GRM1: variants seen among roughly 807,000 people sequenced by gnomAD.
The protein encoded by GRM1 is glutamate metabotropic receptor 1.
GRM1 carries 33 observed loss-of-function variants against 90.9 expected under a neutral mutation model. That is an observed-to-expected ratio of 0.36 (90% CI 0.28 to 0.49). The LOEUF is 0.49. GRM1 is among the 20% of genes least tolerant of loss of function. The pLI is 0.99. For missense variants in GRM1, 1,190 were observed against 1,534.3 expected, an observed-to-expected ratio of 0.78 and a Z score of 3.75; for synonymous variants, 700 against 613.2, an observed-to-expected ratio of 1.14 and a Z score of -2.09.
chr6:146,358,067 C>A (rs1785656882), intron 5 of GRM1, among the ~76,000 whole-genome samples: 1 of 152,190 alleles, frequency 6.6e-6, no homozygotes. Flanking sequence ...AGAAGCTGAA[C>A]AATGCTAAAT....
At chr6:146,154,314 T>C (rs914639431) in intron 1 of GRM1, among the ~76,000 whole-genome samples, 4 of 152,212 alleles carry the variant, frequency 2.6e-5, no homozygotes, top group Non-Finnish European at 5.9e-5. Context: ...TGCAGATTCC[T>C]GAACCTGCAT....
At chr6:146,181,466 G>A (rs545045913) in intron 2 of GRM1, among the ~76,000 whole-genome samples, 1 of 152,226 alleles carries the variant, frequency 6.6e-6, no homozygotes, top group South Asian at 2.1e-4. Context: ...ATTTCAAAAA[G>A]AAGATCAAGG....
chr6:146,392,772 G>A (rs1776777713), intron 6 of GRM1, among the ~76,000 whole-genome samples: 1 of 152,162 alleles, frequency 6.6e-6, no homozygotes, highest in African/African-American at 2.4e-5. Flanking sequence ...ACTTATGAGT[G>A]AGAACATGCA....
At chr6:146,316,804 G>A (rs530748919) in intron 3 of GRM1, among the ~76,000 whole-genome samples, 8 of 152,208 alleles carry the variant, frequency 5.3e-5, no homozygotes, top group African/African-American at 1.2e-4. Context: ...GTCTTTTTGA[G>A]GGCCAGGCGG....
At chr6:146,358,323 A>G (rs1045914463) in intron 5 of GRM1, among the ~76,000 whole-genome samples, 35 of 152,174 alleles carry the variant, frequency 2.3e-4, no homozygotes, top group African/African-American at 8.4e-4. Context: ...GGGGTGTGCT[A>G]AAGAGGCTTC....
intron 2 of GRM1, among the ~76,000 whole-genome samples, chr6:146,209,189 A>G (rs566215222): frequency 1.3e-5 from 2 of 152,254 alleles, no homozygotes; most frequent in African/African-American, 2.4e-5. Context: ...TCCAAATCCT[A>G]TGCTCTTTCC....
chr6:146,361,992 CTG>C (rs1775497252), intron 5 of GRM1, among the ~76,000 whole-genome samples: 1 of 152,200 alleles, frequency 6.6e-6, no homozygotes, highest in African/African-American at 2.4e-5. Flanking sequence ...TTAATAGAGA[CTG>C]AGACATTGAC....
chr6:146,123,890 C>G (rs76702047), intron 1 of GRM1, among the ~76,000 whole-genome samples: 2,934 of 152,236 alleles, frequency 0.019, 43 homozygotes, highest in Non-Finnish European at 0.031. Flanking sequence ...ATTTGAGTGG[C>G]ATCATGGAAA....
chr6:146,410,367 C>G lies in GRM1; in HGVS notation c.2660+10668C>G, dbSNP rs1480358965. Among the ~76,000 whole-genome samples, 4 of 152,214 alleles carry G rather than the reference C, an allele frequency of 2.6e-5. No homozygotes were observed. The East Asian group carries it at 7.7e-4, about 29-fold the overall frequency. On this transcript the variant is annotated intron_variant, in intron 7 of 7. Coordinates refer to ENST00000282753, the MANE Select transcript of GRM1 (RefSeq NM_001278064.2). ...GCTTTGTCTTATAAAGAAAATAGAT[C>G]ATTAGGACATTGTCTTCTGAGTTAA... is the stretch of plus-strand genomic sequence containing the variant.
chr6:146,152,394 G>T (rs149501060), intron 1 of GRM1, among the ~76,000 whole-genome samples: 49 of 151,466 alleles, frequency 3.2e-4, no homozygotes, highest in African/African-American at 1.1e-3. Context: ...TAGGATGACG[G>T]TAGTTTTTAT....
intron 2 of GRM1, among the ~76,000 whole-genome samples, chr6:146,257,636 G>A (rs1215637791): frequency 6.6e-6 from 1 of 151,828 alleles, no homozygotes; most frequent in African/African-American, 2.4e-5. Context: ...CGCTATCTAC[G>A]AGCTGGATAC....
At chr6:146,101,889 G>C (rs888578773) in intron 1 of GRM1, among the ~76,000 whole-genome samples, 6 of 150,330 alleles carry the variant, frequency 4.0e-5, no homozygotes. Flanking sequence ...ATAATAATAT[G>C]AGTGATAAAA....
intron 1 of GRM1, among the ~76,000 whole-genome samples, chr6:146,107,279 C>T (rs1390396074): frequency 1.3e-5 from 2 of 151,122 alleles, no homozygotes; most frequent in African/African-American, 2.4e-5. Context: ...AGGTACAATA[C>T]ATAAAATAAA....
At chr6:146,138,946 T>A (rs1776733568) in intron 1 of GRM1, among the ~76,000 whole-genome samples, 1 of 152,112 alleles carries the variant, frequency 6.6e-6, no homozygotes, top group South Asian at 2.1e-4. Flanking sequence ...CTTTTTTTTT[T>A]AATGTAGACA....
intron 7 of GRM1, among the ~76,000 whole-genome samples, chr6:146,416,286 T>TC (rs148414168): frequency 0.013 from 1,957 of 151,986 alleles, 47 homozygotes; most frequent in African/African-American, 0.045. Flanking sequence ...TTCCATTTTA[T>TC]TTTTTTTCCT....
intron 3 of GRM1, among the ~76,000 whole-genome samples, chr6:146,349,765 C>G (rs1414551943): frequency 6.6e-6 from 1 of 152,060 alleles, no homozygotes; most frequent in Non-Finnish European, 1.5e-5. Flanking sequence ...AAATATTTGT[C>G]AAATCCTTAA....
At chr6:146,139,792 A>G (rs972535505) in intron 1 of GRM1, among the ~76,000 whole-genome samples, 2 of 152,214 alleles carry the variant, frequency 1.3e-5, no homozygotes, top group East Asian at 3.9e-4. Flanking sequence ...TGGAGTGTTT[A>G]GTCGACTTAA....
chr6:146,284,647 A>G (rs1036881161), intron 2 of GRM1, among the ~76,000 whole-genome samples: 1 of 152,136 alleles, frequency 6.6e-6, no homozygotes, highest in Non-Finnish European at 1.5e-5. Flanking sequence ...CAGAGTTCCC[A>G]TGACATATGA....
intron 1 of GRM1, among the ~76,000 whole-genome samples, chr6:146,150,179 G>A (rs371181722): frequency 5.3e-5 from 8 of 152,244 alleles, no homozygotes; most frequent in South Asian, 2.1e-4. Flanking sequence ...ATGACTTCCA[G>A]AAGGACAACC....
Sources: gnomAD v4.1 joint callset for allele counts (sites outside exome capture counted in the v4.1 genomes callset) on GRCh38, gnomAD v4.1.1 for gene constraint, MANE v1.5 for transcripts, NCBI Gene and HGNC (gene_info 2026-07-23, HGNC 2026-07-21) for gene names.